The following GPATCH2L variants were observed in gnomAD, a reference collection of about 807,000 sequenced individuals.
GPATCH2L encodes the protein G-patch domain containing 2 like, also known as G patch domain-containing protein 2-like.
Under a neutral mutation model 57.4 loss-of-function variants are expected in GPATCH2L, and 31 were observed. The observed-to-expected ratio is 0.54, with a 90% CI of 0.41 to 0.73. The LOEUF is 0.73. GPATCH2L is among the 30% of genes least tolerant of loss of function. The pLI, the probability that GPATCH2L is intolerant of heterozygous loss-of-function variation, is 0.00. For synonymous variants in GPATCH2L, 199 were observed against 210.7 expected (o/e 0.94, Z 0.48); for missense variants, 481 against 599.9 (o/e 0.80, Z 2.07).
In GPATCH2L at chr14:76,210,637, A is replaced by G. The variant is rs2040430429; in HGVS notation, c.*8786A>G. 1 of 152,168 alleles carries G rather than the reference A, an allele frequency of 6.6e-6. No individual in the cohort carries two copies. Among genetic ancestry groups the G allele is most frequent in the South Asian group, 2.1e-4 (1 of 4,832 alleles). 9.4% of individuals were successfully genotyped at this position (152,168 alleles called of 1,614,324 possible). A position where few individuals can be genotyped will look rare whatever the true frequency, so the allele number is the denominator to read the frequency against. ...ACCAGAGCAAGAGAAAAGTCAATGA[A>G]ATTTTGCAGATCTTGCAAACCTGTG... On this transcript the variant is annotated 3_prime_UTR_variant, in exon 10 of 10. Coordinates refer to ENST00000261530, the MANE Select transcript of GPATCH2L (RefSeq NM_017926.4).
chr14:76,201,056 A>G (rs934176213), intron 9 of GPATCH2L, among the ~76,000 whole-genome samples: 2 of 152,222 alleles, frequency 1.3e-5, no homozygotes, highest in Admixed American at 1.3e-4. Flanking sequence ...TGCACAAGCC[A>G]TGTCTCCTGT....
rs562143756 is a variant in GPATCH2L, at chr14:76,207,781, A to T, written c.*5930A>T. The T allele has an allele frequency of 2.0e-5, 3 of 152,310 alleles. No homozygotes were observed. The highest frequency in any genetic ancestry group is 4.1e-4 in the South Asian group (2 of 4,824). 9.4% of individuals were successfully genotyped at this position (152,310 alleles called of 1,614,324 possible). A position where few individuals can be genotyped will look rare whatever the true frequency, so the allele number is the denominator to read the frequency against. On this transcript the variant is annotated 3_prime_UTR_variant, in exon 10 of 10. Coordinates refer to ENST00000261530, the MANE Select transcript of GPATCH2L (RefSeq NM_017926.4). ...TTGTTATTGTCTGACTCGTGGATTC[A>T]GCATTTCAGAATATGGTACTCTAAT... is the stretch of plus-strand genomic sequence containing the variant.
intron 1 of GPATCH2L, chr14:76,152,541 C>T (rs1566761472): frequency 4.5e-5 from 18 of 401,860 alleles, no homozygotes; most frequent in Middle Eastern, 3.6e-4. Flanking sequence ...ACCAGCTACC[C>T]GTTCCTTCCT....
At chr14:76,181,071 AGTCTTCTG>A (rs2039543558) in intron 8 of GPATCH2L, among the ~76,000 whole-genome samples, 2 of 152,180 alleles carry the variant, frequency 1.3e-5, no homozygotes, top group South Asian at 4.1e-4. Flanking sequence ...CTTTGACCTA[AGTCTTCTG>A]GCTCATATTT....
At chr14:76,185,023 G>A (rs1007653706) in intron 8 of GPATCH2L, among the ~76,000 whole-genome samples, 13 of 152,152 alleles carry the variant, frequency 8.5e-5, no homozygotes, top group Admixed American at 2.6e-4. Flanking sequence ...CATTCCTTAC[G>A]GGAGGTAGAC....
rs1024232578 is a variant in GPATCH2L at position 76,204,043 on chromosome 14, T to C, written c.*2192T>C. The C allele has an allele frequency of 7.9e-5, 12 of 152,206 alleles. No homozygotes were observed. Among genetic ancestry groups the C allele is most frequent in the Admixed American group, 3.3e-4 (5 of 15,282 alleles). The allele number at this position is 152,206 out of a possible 1,614,324, so 9.4% of individuals were successfully genotyped here. On this transcript the variant is annotated 3_prime_UTR_variant, in exon 10 of 10. Coordinates refer to ENST00000261530, the MANE Select transcript of GPATCH2L (RefSeq NM_017926.4). ...ATTTTTATATACAACATTATTTACA[T>C]TTCAAACATCTCTACGAAGTCATGC...
chr14:76,229,656 CT>C (rs1285352315), intron 1 of GPATCH2L, among the ~76,000 whole-genome samples: 2 of 152,080 alleles, frequency 1.3e-5, no homozygotes, highest in Non-Finnish European at 2.9e-5. Flanking sequence ...AGCAATAACC[CT>C]GATTTTCTTT....
intron 2 of GPATCH2L, among the ~76,000 whole-genome samples, chr14:76,161,602 C>G (rs1035321464): frequency 2.6e-5 from 4 of 152,198 alleles, no homozygotes; most frequent in Admixed American, 6.5e-5. Context: ...CCCCTGCTCC[C>G]CCTGGCAATT....
At chr14:76,159,406 G>C (rs1161450708) in intron 2 of GPATCH2L, among the ~76,000 whole-genome samples, 1 of 152,084 alleles carries the variant, frequency 6.6e-6, no homozygotes, top group Non-Finnish European at 1.5e-5. Context: ...TGCCAGCAAG[G>C]GTGCATAGAT....
downstream of GPATCH2L, among the ~76,000 whole-genome samples, chr14:76,214,819 T>C (rs2040478524): frequency 6.6e-6 from 1 of 152,206 alleles, no homozygotes. Flanking sequence ...TTTTATCTTC[T>C]TAGCTTAGTA....
intron 2 of GPATCH2L, among the ~76,000 whole-genome samples, chr14:76,165,975 A>G (rs1426858668): frequency 1.3e-5 from 2 of 152,260 alleles, no homozygotes; most frequent in Non-Finnish European, 2.9e-5. Flanking sequence ...GATAAATCAA[A>G]TTTAGAAGCA....
chr14:76,173,593 C>T lies in GPATCH2L; in HGVS notation c.952C>T (p.Leu318Phe), dbSNP rs1354122068. 6.2e-7 allele frequency: 1 copy of T among 1,613,174 alleles called. No individual in the cohort carries two copies. Residue 318 changes from leucine to phenylalanine, a missense_variant, in exon 5 of 10, where the codon CTC becomes TTC. Leu to Phe is a conservative substitution (Grantham distance 22). This residue lies in a region of GPATCH2L where 248 missense variants were observed against 270.5 expected (regional missense o/e 0.92). Transcript: ENST00000261530. Reference sequence around the variant, plus strand: ...TCTACCTGGAGCTGCAGCTCGATGCCTCAGAAAGGGGCGAAGAAGGCTGGT... The same window carrying T: ...TCTACCTGGAGCTGCAGCTCGATGCTTCAGAAAGGGGCGAAGAAGGCTGGT... ...NRLPGAAARC[L>F]RKGRRRLVGK...
At chr14:76,195,428 G>T (rs1304936296) in intron 8 of GPATCH2L, among the ~76,000 whole-genome samples, 1 of 152,152 alleles carries the variant, frequency 6.6e-6, no homozygotes, top group Admixed American at 6.5e-5. Context: ...GATGTAGACA[G>T]TATTAAAAAT....
At chr14:76,161,763 C>T (rs571056019) in intron 2 of GPATCH2L, among the ~76,000 whole-genome samples, 6 of 152,282 alleles carry the variant, frequency 3.9e-5, no homozygotes, top group African/African-American at 7.2e-5. Flanking sequence ...AGGACGGGTG[C>T]GGTGGCTCAT....
intron 1 of GPATCH2L, among the ~76,000 whole-genome samples, chr14:76,223,701 C>G (rs962306028): frequency 6.6e-6 from 1 of 151,986 alleles, no homozygotes; most frequent in African/African-American, 2.4e-5. Flanking sequence ...GGTCTGATAT[C>G]CAGAATATAT....
intron 3 of GPATCH2L, among the ~76,000 whole-genome samples, chr14:76,166,980 C>G (rs746448764): frequency 6.6e-6 from 1 of 152,024 alleles, no homozygotes; most frequent in Admixed American, 6.6e-5. Flanking sequence ...GCCAGTAGAT[C>G]AGACTTGGGA....
intron 2 of GPATCH2L, among the ~76,000 whole-genome samples, chr14:76,158,545 C>T (rs1280541468): frequency 6.6e-6 from 1 of 152,204 alleles, no homozygotes; most frequent in East Asian, 1.9e-4. Flanking sequence ...TGATCAATAA[C>T]ACTCTATAGC....
chr14:76,230,310 T>A (rs532682193), intron 2 of GPATCH2L: 3 of 152,284 alleles, frequency 2.0e-5, no homozygotes, highest in Admixed American at 6.5e-5. Flanking sequence ...ATCACCGTGA[T>A]CACCACTTTG....
chr14:76,162,129 C>G lies in GPATCH2L; in HGVS notation c.663-4534C>G, dbSNP rs544855736. Among the ~76,000 whole-genome samples the G allele has an allele frequency of 1.6e-4, 24 of 152,068 alleles. No individual in the cohort carries two copies. The East Asian group carries it at 4.3e-3, about 27-fold the overall frequency. The stretch of plus-strand genomic sequence containing the variant: ...GTGACTTAGCTGGATGGTTCTGGTT[C>G]AGTCTTCTCACGAGGTTATAGTCTA... On this transcript the variant is annotated intron_variant, in intron 2 of 9. Coordinates refer to ENST00000261530, the MANE Select transcript of GPATCH2L (RefSeq NM_017926.4).
Sources: gnomAD v4.1 joint callset for allele counts (sites outside exome capture counted in the v4.1 genomes callset) on GRCh38, gnomAD v4.1.1 for gene constraint, gnomAD v4.1.1 regional missense constraint, MANE v1.5 for transcripts, NCBI Gene and HGNC (gene_info 2026-07-23, HGNC 2026-07-21) for gene names.